CTNNA3: variants seen among roughly 807,000 people sequenced by gnomAD.
CTNNA3 encodes catenin alpha 3, also known as catenin alpha-3.
A neutral mutation model predicts 95.7 loss-of-function variants in CTNNA3; 76 were observed. That is an observed-to-expected ratio of 0.79 (90% CI 0.66 to 0.96). The LOEUF is 0.96. Ranked by LOEUF, CTNNA3 falls within the 40% of genes least tolerant of loss-of-function variation. The pLI, the probability that CTNNA3 is intolerant of heterozygous loss-of-function variation, is 0.00. For missense variants in CTNNA3, 1,191 were observed against 1,089.8 expected, an observed-to-expected ratio of 1.09 and a Z score of -1.31; for synonymous variants, 431 against 374.4, an observed-to-expected ratio of 1.15 and a Z score of -1.74.
At chr10:67,243,401 T>C (rs1005387165) in intron 5 of CTNNA3, among the ~76,000 whole-genome samples, 6 of 152,102 alleles carry the variant, frequency 3.9e-5, no homozygotes, top group Admixed American at 3.9e-4. Context: ...ATTAAGGAAG[T>C]GCACGTGAAC....
chr10:66,732,497 T>A (rs536228684), intron 9 of CTNNA3, among the ~76,000 whole-genome samples: 152 of 152,270 alleles, frequency 1.0e-3, no homozygotes, highest in African/African-American at 3.6e-3. Context: ...TCAGCATGGC[T>A]GAGGAGGCCT....
At chr10:65,992,952 T>C (rs1010010337) in intron 15 of CTNNA3, among the ~76,000 whole-genome samples, 1 of 152,090 alleles carries the variant, frequency 6.6e-6, no homozygotes, top group African/African-American at 2.4e-5. Flanking sequence ...ATTTTCTTTC[T>C]TTTTCAGAAA....
chr10:66,547,424 G>A (rs1386331798), intron 10 of CTNNA3, among the ~76,000 whole-genome samples: 2 of 129,678 alleles, frequency 1.5e-5, no homozygotes. Context: ...CTCACTGCAA[G>A]CTCCACCTCC....
chr10:66,517,321 A>C (rs2132011676), intron 11 of CTNNA3, among the ~76,000 whole-genome samples: 1 of 152,248 alleles, frequency 6.6e-6, no homozygotes, highest in Middle Eastern at 3.4e-3. Context: ...TGATTTTGAA[A>C]CCTACTGGGC....
intron 5 of CTNNA3, among the ~76,000 whole-genome samples, chr10:67,455,450 T>C (rs947356153): frequency 5.3e-5 from 8 of 152,154 alleles, no homozygotes; most frequent in Non-Finnish European, 1.2e-4. Context: ...GAGTGTGGAC[T>C]GCATTAGTGA....
chr10:67,433,358 C>A (rs754359497), intron 5 of CTNNA3, among the ~76,000 whole-genome samples: 1 of 151,938 alleles, frequency 6.6e-6, no homozygotes, highest in Admixed American at 6.6e-5. Flanking sequence ...GTAGTAACAT[C>A]AATGAGCACT....
At chr10:66,059,287 A>T (rs1427791812) in intron 15 of CTNNA3, among the ~76,000 whole-genome samples, 1 of 152,140 alleles carries the variant, frequency 6.6e-6, no homozygotes, top group East Asian at 1.9e-4. Context: ...TCATAAATAC[A>T]GAATTGTGTC....
At chr10:66,801,216 A>G (rs996055586) in intron 7 of CTNNA3, among the ~76,000 whole-genome samples, 8 of 151,450 alleles carry the variant, frequency 5.3e-5, no homozygotes, top group Admixed American at 1.3e-4. Flanking sequence ...ATCGTGATTT[A>G]CAGACAACAA....
chr10:67,197,282 A>G (rs879348253), intron 6 of CTNNA3, among the ~76,000 whole-genome samples: 1 of 152,116 alleles, frequency 6.6e-6, no homozygotes, highest in Admixed American at 6.5e-5. Flanking sequence ...TCGACAAAGA[A>G]GAAAAGAAAA....
At chr10:65,949,532 CAT>C (rs2133203893) in intron 17 of CTNNA3, among the ~76,000 whole-genome samples, 2 of 152,166 alleles carry the variant, frequency 1.3e-5, no homozygotes, top group African/African-American at 4.8e-5. Flanking sequence ...GAAATTTACT[CAT>C]GTGCTTTACT....
intron 5 of CTNNA3, among the ~76,000 whole-genome samples, chr10:67,469,262 T>C (rs1564671732): frequency 6.6e-6 from 1 of 152,204 alleles, no homozygotes; most frequent in Non-Finnish European, 1.5e-5. Context: ...CTCCGTACTT[T>C]CAAAGTCCTA....
chr10:66,645,103 G>C (rs1032775701), intron 9 of CTNNA3, among the ~76,000 whole-genome samples: 4 of 151,912 alleles, frequency 2.6e-5, no homozygotes, highest in African/African-American at 4.8e-5. Flanking sequence ...TTTTATTGCT[G>C]AGTAGTATTC....
chr10:66,403,594 C>T (rs1231577956), intron 11 of CTNNA3, among the ~76,000 whole-genome samples: 1 of 152,112 alleles, frequency 6.6e-6, no homozygotes, highest in South Asian at 2.1e-4. Context: ...CCTCCCTCAA[C>T]ACACGGGGAT....
At chr10:67,613,502 A>G (rs1843533927) in intron 2 of CTNNA3, among the ~76,000 whole-genome samples, 1 of 152,260 alleles carries the variant, frequency 6.6e-6, no homozygotes, top group South Asian at 2.1e-4. Context: ...GTGATAACAC[A>G]TAGCAGCTTT....
chr10:66,657,631 T>G (rs569638545), intron 9 of CTNNA3, among the ~76,000 whole-genome samples: 5 of 152,314 alleles, frequency 3.3e-5, no homozygotes, highest in Non-Finnish European at 7.4e-5. Flanking sequence ...AGCAATGTAC[T>G]TGCACACTTT....
chr10:66,063,740 C>T (rs905452309), intron 15 of CTNNA3, among the ~76,000 whole-genome samples: 3 of 151,980 alleles, frequency 2.0e-5, no homozygotes, highest in Non-Finnish European at 4.4e-5. Flanking sequence ...ATCTTCTCTA[C>T]ATTAATTTTG....
chr10:67,246,277 C>T (rs1865904457), intron 5 of CTNNA3, among the ~76,000 whole-genome samples: 1 of 152,198 alleles, frequency 6.6e-6, no homozygotes, highest in South Asian at 2.1e-4. Flanking sequence ...CTTCAATCCA[C>T]CCTGGTGCAT....
chr10:66,252,603 G>A (rs1006900043), intron 13 of CTNNA3, among the ~76,000 whole-genome samples: 1 of 152,056 alleles, frequency 6.6e-6, no homozygotes, highest in Admixed American at 6.6e-5. Flanking sequence ...TGAATATATG[G>A]GAATACCTAA....
intron 5 of CTNNA3, among the ~76,000 whole-genome samples, chr10:67,499,955 A>G (rs922686842): frequency 1.3e-5 from 2 of 151,662 alleles, no homozygotes; most frequent in African/African-American, 4.8e-5. Flanking sequence ...GATCTTAGTT[A>G]TTTCTTGTCT....
Sources: gnomAD v4.1 joint callset for allele counts (sites outside exome capture counted in the v4.1 genomes callset) on GRCh38, gnomAD v4.1.1 for gene constraint, MANE v1.5 for transcripts, NCBI Gene and HGNC (gene_info 2026-07-23, HGNC 2026-07-21) for gene names.